Variants in ARB2A observed in about 807,000 individuals in gnomAD.
ARB2A encodes the protein cotranscriptional regulator ARB2A.
the ARB2A span, among the ~76,000 whole-genome samples, chr5:93,807,258 C>T: frequency 6.6e-6 from 1 of 151,906 alleles, no homozygotes; most frequent in Non-Finnish European, 1.5e-5. Context: ...ATAAAGAGTG[C>T]TAAGCTGTAA....
At chr5:93,671,341 T>C in the ARB2A span, among the ~76,000 whole-genome samples, 1 of 152,108 alleles carries the variant, frequency 6.6e-6, no homozygotes, top group African/African-American at 2.4e-5. Context: ...GCCTTGTTTT[T>C]TTGAATACAT....
the ARB2A span, among the ~76,000 whole-genome samples, chr5:93,903,949 T>C: frequency 1.3e-5 from 2 of 152,008 alleles, no homozygotes; most frequent in Non-Finnish European, 2.9e-5. Context: ...TCACCCTTAG[T>C]CTTAGCCTGT....
chr5:93,690,611 G>A, the ARB2A span, among the ~76,000 whole-genome samples: 32 of 152,140 alleles, frequency 2.1e-4, 2 homozygotes, highest in Admixed American at 3.9e-4. Context: ...GGGGGAAGGG[G>A]TGGCTGTGGG....
At chr5:93,661,272 C>T in the ARB2A span, among the ~76,000 whole-genome samples, 5 of 152,152 alleles carry the variant, frequency 3.3e-5, no homozygotes, top group East Asian at 1.9e-4. Context: ...GGGACTTCTT[C>T]GAGGAAGTTA....
chr5:93,805,628 C>A, the ARB2A span: 2 of 984,982 alleles, frequency 2.0e-6, no homozygotes, highest in African/African-American at 3.5e-5. Context: ...TACATTTCTC[C>A]AATTTGGGTC....
the ARB2A span, among the ~76,000 whole-genome samples, chr5:93,637,362 T>TG: frequency 1.3e-5 from 2 of 149,616 alleles, no homozygotes. Flanking sequence ...TAGTTTTTTT[T>TG]TTTTTTTTTT....
chr5:93,866,645 G>C, the ARB2A span, among the ~76,000 whole-genome samples: 4 of 152,278 alleles, frequency 2.6e-5, no homozygotes, highest in African/African-American at 9.6e-5. Flanking sequence ...TGCATATACA[G>C]ACGGCCTACT....
At chr5:93,822,631 G>GAT in the ARB2A span, among the ~76,000 whole-genome samples, 1 of 151,588 alleles carries the variant, frequency 6.6e-6, no homozygotes. Flanking sequence ...GAGATATAGA[G>GAT]ATATATATAT....
chr5:93,851,260 G>A, the ARB2A span, among the ~76,000 whole-genome samples: 1 of 152,260 alleles, frequency 6.6e-6, no homozygotes, highest in African/African-American at 2.4e-5. Flanking sequence ...GGGAATGACA[G>A]AAGTTTAGAA....
chr5:93,875,202 G>C, the ARB2A span, among the ~76,000 whole-genome samples: 1 of 151,992 alleles, frequency 6.6e-6, no homozygotes, highest in African/African-American at 2.4e-5. Context: ...ATATTAAATG[G>C]AAGAGCTGGA....
At chr5:93,696,280 G>C in the ARB2A span, among the ~76,000 whole-genome samples, 1 of 152,136 alleles carries the variant, frequency 6.6e-6, no homozygotes, top group South Asian at 2.1e-4. Context: ...CATCAGTGAT[G>C]CATCTGTCAA....
chr5:94,053,684 TA>T, the ARB2A span, among the ~76,000 whole-genome samples: 1 of 152,206 alleles, frequency 6.6e-6, no homozygotes, highest in African/African-American at 2.4e-5. Flanking sequence ...ACACGCTAAC[TA>T]GCAAAAATTA....
At chr5:93,723,183 G>T in the ARB2A span, among the ~76,000 whole-genome samples, 1 of 152,128 alleles carries the variant, frequency 6.6e-6, no homozygotes, top group South Asian at 2.1e-4. Context: ...AGGTTAGAGG[G>T]CACTGATGAC....
chr5:93,958,844 C>G, the ARB2A span: 1 of 1,607,076 alleles, frequency 6.2e-7, no homozygotes, highest in East Asian at 2.2e-5. Context: ...AATAAGTCTT[C>G]TAGCCCACTG....
chr5:93,861,763 TA>T, the ARB2A span: 1 of 152,224 alleles, frequency 6.6e-6, no homozygotes, highest in Non-Finnish European at 1.5e-5. Flanking sequence ...GCATCAACGC[TA>T]TATTTAGTCA....
At chr5:93,908,866 C>T in the ARB2A span, among the ~76,000 whole-genome samples, 2 of 150,628 alleles carry the variant, frequency 1.3e-5, no homozygotes, top group African/African-American at 4.9e-5. Flanking sequence ...TTCTAAAAAC[C>T]AAACTTTCCT....
At chr5:93,761,866 G>A in the ARB2A span, among the ~76,000 whole-genome samples, 1 of 152,192 alleles carries the variant, frequency 6.6e-6, no homozygotes, top group Admixed American at 6.5e-5. Flanking sequence ...AACTTCCAGA[G>A]GAACGATCAG....
At chr5:93,799,453 C>G in the ARB2A span, among the ~76,000 whole-genome samples, 1 of 152,128 alleles carries the variant, frequency 6.6e-6, no homozygotes, top group African/African-American at 2.4e-5. Flanking sequence ...CACATTAACA[C>G]TGCTTCTCTG....
the ARB2A span, among the ~76,000 whole-genome samples, chr5:94,024,698 A>G: frequency 1.3e-5 from 2 of 152,194 alleles, no homozygotes; most frequent in Non-Finnish European, 2.9e-5. Flanking sequence ...GAGAGAGGTC[A>G]TTCTAGCCTA....
Sources: gnomAD v4.1 joint callset for allele counts (sites outside exome capture counted in the v4.1 genomes callset) on GRCh38, gnomAD v4.1.1 for gene constraint, MANE v1.5 for transcripts, NCBI Gene and HGNC (gene_info 2026-07-23, HGNC 2026-07-21) for gene names.